Variants in DNAAF4 observed in about 807,000 individuals in gnomAD.
DNAAF4 encodes the protein dynein axonemal assembly factor 4, also known as dynein assembly factor 4, axonemal.
In DNAAF4, 43 loss-of-function variants were observed where a neutral mutation model predicts 51.8. The ratio of observed to expected loss-of-function variants is 0.83; its 90% confidence interval spans 0.65 to 1.07. The LOEUF (loss-of-function observed/expected upper bound fraction) is 1.07, where lower values mean the gene tolerates loss of function less well. DNAAF4 is among the 50% of genes least tolerant of loss of function. The pLI, the probability that DNAAF4 is intolerant of heterozygous loss-of-function variation, is 0.00. For synonymous variants in DNAAF4, 194 were observed against 165.6 expected (o/e 1.17, Z -1.32); for missense variants, 581 against 493.0 (o/e 1.18, Z -1.69).
At chr15:55,437,623 T>C (rs964973882) in intron 7 of DNAAF4, among the ~76,000 whole-genome samples, 1 of 152,114 alleles carries the variant, frequency 6.6e-6, no homozygotes, top group Non-Finnish European at 1.5e-5. Flanking sequence ...GAGAGTACCC[T>C]GGATGATGTA....
At position 55,434,106 on chromosome 15, in the gene DNAAF4, A is replaced by G. The variant is rs371421820; in HGVS notation, c.1047+799T>C. On this transcript the variant is annotated intron_variant, in intron 8 of 9. Coordinates refer to ENST00000321149, the MANE Select transcript of DNAAF4 (RefSeq NM_130810.4). ...AGAGATATGTTGAACAACTTAAGGA[A>G]TTTTTCAGTTGTTCCTATATGGGAT... Among the ~76,000 whole-genome samples the G allele has an allele frequency of 4.2e-4, 56 of 133,932 alleles. 1 individual carries two copies. In the East Asian group the frequency reaches 0.01, roughly 24 times the overall value. The allele number at this position is 133,932 out of a possible 152,430, so 87.9% of individuals were successfully genotyped here.
intron 7 of DNAAF4, 97 bp downstream of exon 7, chr15:55,439,375 G>T: frequency 9.6e-7 from 1 of 1,037,212 alleles, no homozygotes. Flanking sequence ...CTCCCAAAGG[G>T]CTGGGATTAC....
At chr15:55,465,757 G>A (rs2058162472) in intron 5 of DNAAF4, among the ~76,000 whole-genome samples, 5 of 151,760 alleles carry the variant, frequency 3.3e-5, no homozygotes, top group African/African-American at 9.7e-5. Flanking sequence ...GTAAAGATGG[G>A]GTTTCTCCAT....
chr15:55,488,120 C>CT lies in DNAAF4; in HGVS notation c.405+3002dup, dbSNP rs58763098. 1.3e-3 allele frequency among the ~76,000 whole-genome samples: 186 copies of CT among 144,350 alleles called. 1 individual carries two copies. The highest frequency in any genetic ancestry group is 3.6e-3 in the Middle Eastern group (1 of 280). The allele number at this position is 144,350 out of a possible 152,430, so 94.7% of individuals were successfully genotyped here. A position where few individuals can be genotyped will look rare whatever the true frequency, so the allele number is the denominator to read the frequency against. ...ATGAAATACCAATCTTTTTCTTTTT[C>CT]TTTTTTTTTTTTTGCTGCGTAAGAG... On this transcript the variant is annotated intron_variant, in intron 4 of 9. Coordinates refer to ENST00000321149, the MANE Select transcript of DNAAF4 (RefSeq NM_130810.4).
intron 5 of DNAAF4, among the ~76,000 whole-genome samples, chr15:55,454,528 C>T (rs755768810): frequency 2.0e-5 from 3 of 151,812 alleles, no homozygotes; most frequent in Non-Finnish European, 4.4e-5. Flanking sequence ...CAGCTATGTG[C>T]CACCACAGCC....
At chr15:55,448,384 T>C (rs1284339487) in intron 6 of DNAAF4, among the ~76,000 whole-genome samples, 1 of 151,740 alleles carries the variant, frequency 6.6e-6, no homozygotes, top group Non-Finnish European at 1.5e-5. Flanking sequence ...TATATTTTCA[T>C]TTTTCTGTAC....
intron 7 of DNAAF4, among the ~76,000 whole-genome samples, chr15:55,422,791 G>A (rs988462894): frequency 5.9e-5 from 9 of 152,100 alleles, no homozygotes; most frequent in South Asian, 2.1e-4. Flanking sequence ...GAGGTCAGGC[G>A]TTTGAGACCA....
chr15:55,453,073 C>A (rs1045188952), intron 5 of DNAAF4, among the ~76,000 whole-genome samples: 1 of 152,164 alleles, frequency 6.6e-6, no homozygotes, highest in African/African-American at 2.4e-5. Flanking sequence ...GAGCCACCCA[C>A]CTTGGCCTCC....
chr15:55,452,773 C>T (rs2057955530), intron 5 of DNAAF4, among the ~76,000 whole-genome samples: 1 of 152,150 alleles, frequency 6.6e-6, no homozygotes, highest in South Asian at 2.1e-4. Flanking sequence ...AGGGTCATCT[C>T]AAAAGCTGAC....
At chr15:55,469,656 T>G (rs984610130) in intron 4 of DNAAF4, among the ~76,000 whole-genome samples, 1 of 151,450 alleles carries the variant, frequency 6.6e-6, no homozygotes, top group African/African-American at 2.4e-5. Flanking sequence ...CTAATTTATT[T>G]TTTTTTTATA....
At position 55,497,822 on chromosome 15, in the gene DNAAF4, T is replaced by C; in HGVS notation, c.161A>G (p.Tyr54Cys). The change falls in exon 3 of 10, where the codon TAT (tyrosine) becomes TGT (cysteine). Residue 54 changes from tyrosine to cysteine, a missense_variant. Transcript: ENST00000321149. ...GCTGCTCTCATCGTCTATGGGAGCA[T>C]AAAGAAATGCCTCAAATAAAAATGG... ...FPPFLFEAFL[Y>C]APIDDESSKA... 1 of 1,612,736 alleles carries C rather than the reference T, an allele frequency of 6.2e-7. No homozygotes were observed. The highest frequency in any genetic ancestry group is 8.5e-7 in the Non-Finnish European group (1 of 1,179,526).
intron 9 of DNAAF4, among the ~76,000 whole-genome samples, chr15:55,431,671 G>T (rs1037427211): frequency 2.0e-5 from 3 of 151,820 alleles, no homozygotes; most frequent in African/African-American, 7.3e-5. Context: ...GTAGAGACGG[G>T]GTTTCACCGT....
At chr15:55,499,144 T>C (rs773926947) in intron 1 of DNAAF4, among the ~76,000 whole-genome samples, 1 of 152,168 alleles carries the variant, frequency 6.6e-6, no homozygotes, top group Non-Finnish European at 1.5e-5. Flanking sequence ...TCATACAGAC[T>C]GTGAACAAAT....
intron 5 of DNAAF4, among the ~76,000 whole-genome samples, chr15:55,465,192 G>A (rs945276920): frequency 2.0e-5 from 3 of 152,260 alleles, no homozygotes; most frequent in Admixed American, 6.5e-5. Context: ...AGACAGTGTG[G>A]AGATAGATGC....
chr15:55,418,104 A>G, exon 8 of DNAAF4: 2 of 1,585,912 alleles, frequency 1.3e-6, no homozygotes, highest in Non-Finnish European at 1.7e-6. Context: ...CAGAGGCCTG[A>G]CATTCAATGC....
At position 55,498,462 on chromosome 15, in the gene DNAAF4, C is replaced by T. The variant is rs2058669850; in HGVS notation, c.-133G>A. 1.4e-6 allele frequency: 2 copies of T among 1,381,190 alleles called. No homozygotes were observed. Among genetic ancestry groups the T allele is most frequent in the Admixed American group, 2.8e-5 (1 of 35,786 alleles). The allele number at this position is 1,381,190 out of a possible 1,614,324, so 85.6% of individuals were successfully genotyped here. ...GGGAGCCCGGCGTTCCCAGCGTGCTCCGGCGCCAGCACCTCGCGGACTCCA... is the reference window on the plus strand; with the variant it reads ...GGGAGCCCGGCGTTCCCAGCGTGCTTCGGCGCCAGCACCTCGCGGACTCCA... On this transcript the variant is annotated 5_prime_UTR_variant, in exon 2 of 10. Coordinates refer to ENST00000321149, the MANE Select transcript of DNAAF4 (RefSeq NM_130810.4).
At position 55,498,284 on chromosome 15, in the gene DNAAF4, C is replaced by A; in HGVS notation, c.46G>T (p.Ala16Ser). 6.2e-7 allele frequency: 1 copy of A among 1,613,418 alleles called. No homozygotes were observed. Residue 16 changes from alanine (A) to serine (S), a missense_variant, in exon 2 of 10, where the codon GCG becomes TCG. Transcript: ENST00000321149. ...SDYSWQQTKT[A>S]VFLSLPLKGV... Reference sequence around the variant, plus strand: ...TTGAGGGGCAGAGACAGAAAGACCGCAGTCTTCGTCTGCTGCCAGCTGTAA... The same window carrying A: ...TTGAGGGGCAGAGACAGAAAGACCGAAGTCTTCGTCTGCTGCCAGCTGTAA...
At chr15:55,472,276 T>C (rs899604522) in intron 4 of DNAAF4, among the ~76,000 whole-genome samples, 1 of 152,254 alleles carries the variant, frequency 6.6e-6, no homozygotes, top group African/African-American at 2.4e-5. Context: ...CGGAGGAATA[T>C]GCAGTAACAG....
At chr15:55,501,062 A>AT (rs1346268958) in intron 1 of DNAAF4, among the ~76,000 whole-genome samples, 1 of 149,576 alleles carries the variant, frequency 6.7e-6, no homozygotes, top group South Asian at 2.1e-4. Context: ...GTAAGAAAGG[A>AT]TTTTTTTGTT....
Sources: allele counts gnomAD v4.1 joint callset (sites outside exome capture counted in the v4.1 genomes callset), GRCh38; gene constraint gnomAD v4.1.1; transcripts MANE v1.5; gene names NCBI Gene and HGNC (gene_info 2026-07-23, HGNC 2026-07-21).